WASF3: variants seen among roughly 807,000 people sequenced by gnomAD.
The protein encoded by WASF3 is WASP family member 3, also known as actin-binding protein WASF3.
WASF3 carries 11 observed loss-of-function variants against 46.6 expected under a neutral mutation model. That is an observed-to-expected ratio of 0.24 (90% CI 0.15 to 0.39). WASF3 has a LOEUF of 0.39. Among genes scored for constraint, WASF3 ranks in the 10% least tolerant of loss-of-function variants. WASF3 has a pLI of 1.00. For synonymous variants in WASF3, 242 were observed against 259.7 expected, an observed-to-expected ratio of 0.93 and a Z score of 0.65; for missense variants, 576 against 669.8, an observed-to-expected ratio of 0.86 and a Z score of 1.55.
intron 3 of WASF3, among the ~76,000 whole-genome samples, chr13:26,646,848 G>A (rs537418163): frequency 1.8e-4 from 27 of 152,278 alleles, no homozygotes; most frequent in African/African-American, 6.0e-4. Context: ...TTTCTAAATA[G>A]GAAGAGAGTT....
Position 26,682,701 on chromosome 13 carries a change from G to C in WASF3, c.1078G>C (p.Val360Leu), listed in dbSNP as rs545535299. The stretch of plus-strand genomic sequence containing the variant: ...GATTCCCTCAGCACAAACTGCCTTC[G>C]TCAGCCCTCTCCAGATGCCCATGCA... ...PVIPSAQTAF[V>L]SPLQMPMQPP... Residue 360 changes from valine to leucine, a missense_variant, in exon 9 of 10, where the codon GTC becomes CTC. Transcript: ENST00000335327. The surrounding 1 kb of genome is among the most constrained non-coding windows in gnomAD (Gnocchi z 4.4). 6.2e-7 allele frequency: 1 copy of C among 1,613,930 alleles called. No individual in the cohort carries two copies. Among genetic ancestry groups the C allele is most frequent in the Non-Finnish European group, 8.5e-7 (1 of 1,180,004 alleles).
chr13:26,624,975 G>C (rs1160458749), intron 2 of WASF3, among the ~76,000 whole-genome samples: 2 of 152,052 alleles, frequency 1.3e-5, no homozygotes, highest in East Asian at 3.9e-4. Context: ...CCACAGATCT[G>C]CACTGTAAGA....
intron 6 of WASF3, among the ~76,000 whole-genome samples, chr13:26,674,129 T>C (rs1026201829): frequency 6.6e-6 from 1 of 152,194 alleles, no homozygotes. Context: ...CTGTTCATAT[T>C]CTTTCATGTT....
At chr13:26,628,175 A>G (rs182919513) in intron 2 of WASF3, among the ~76,000 whole-genome samples, 25 of 152,330 alleles carry the variant, frequency 1.6e-4, no homozygotes, top group African/African-American at 2.4e-4. Flanking sequence ...GCGCTCGCCA[A>G]TCCTGAGAAA....
At chr13:26,580,761 G>T (rs368235057) in intron 1 of WASF3, among the ~76,000 whole-genome samples, 1 of 151,700 alleles carries the variant, frequency 6.6e-6, no homozygotes, top group Non-Finnish European at 1.5e-5. Context: ...GAGTAGCTGG[G>T]ATTACAGGCG....
intron 1 of WASF3, among the ~76,000 whole-genome samples, chr13:26,594,440 G>A (rs1880398084): frequency 1.3e-5 from 2 of 152,216 alleles, no homozygotes; most frequent in African/African-American, 4.8e-5. Flanking sequence ...TTGTGGGAGT[G>A]ATCGTCAGTT....
chr13:26,557,115 G>A (rs1879114685), upstream of WASF3, among the ~76,000 whole-genome samples: 7 of 152,188 alleles, frequency 4.6e-5, no homozygotes, highest in Admixed American at 3.9e-4. Context: ...CACATCTAGG[G>A]TGGAGAGAGA....
intron 1 of WASF3, among the ~76,000 whole-genome samples, chr13:26,565,785 A>G (rs766607924): frequency 3.9e-4 from 59 of 152,328 alleles, no homozygotes; most frequent in Admixed American, 2.3e-3. Flanking sequence ...GCAATTTAGA[A>G]TGGTTACAAA....
At chr13:26,594,742 C>T (rs146497217) in intron 1 of WASF3, among the ~76,000 whole-genome samples, 214 of 152,314 alleles carry the variant, frequency 1.4e-3, no homozygotes, top group African/African-American at 4.9e-3. Context: ...CTGCCTAGTC[C>T]TTCCCTAGTC....
intron 7 of WASF3, chr13:26,680,107 G>A: frequency 6.3e-7 from 1 of 1,598,292 alleles, no homozygotes; most frequent in East Asian, 2.2e-5. Flanking sequence ...AAGAAAAGAA[G>A]AGTGGGAGAG....
intron 1 of WASF3, among the ~76,000 whole-genome samples, chr13:26,599,711 A>G (rs1016291114): frequency 6.6e-6 from 1 of 152,122 alleles, no homozygotes. Flanking sequence ...CACAGATGAA[A>G]ACAGCTGTGG....
intron 1 of WASF3, among the ~76,000 whole-genome samples, chr13:26,567,100 A>G (rs1424746498): frequency 6.6e-6 from 1 of 152,212 alleles, no homozygotes; most frequent in African/African-American, 2.4e-5. Flanking sequence ...ATGTCCTTAA[A>G]TAAAGTGAAA....
intron 1 of WASF3, among the ~76,000 whole-genome samples, chr13:26,582,904 G>T (rs1880026555): frequency 6.6e-6 from 1 of 152,130 alleles, no homozygotes; most frequent in Non-Finnish European, 1.5e-5. Context: ...CAAAAACAAT[G>T]TAGGTCTCTT....
Position 26,608,676 on chromosome 13 carries a change from G to A in WASF3, c.-108-4285G>A, listed in dbSNP as rs192081864. Among the ~76,000 whole-genome samples the A allele has an allele frequency of 3.6e-4, 55 of 152,208 alleles. 1 individual carries two copies. The East Asian group carries it at 9.3e-3, about 26-fold the overall frequency. On this transcript the variant is annotated intron_variant, in intron 1 of 9. Transcript: ENST00000335327. ...TACTGGCTCTGACTTTAAAAGGTGC[G>A]GAACCGTTGTAGCAATGGGGTATCG... is the stretch of plus-strand genomic sequence containing the variant.
intron 1 of WASF3, among the ~76,000 whole-genome samples, chr13:26,612,622 G>A (rs140053771): frequency 2.6e-4 from 40 of 152,290 alleles, no homozygotes; most frequent in African/African-American, 7.9e-4. Context: ...TCAGTCTGTA[G>A]GCAGTAACAA....
At position 26,685,901 on chromosome 13, in the gene WASF3, T is replaced by C. The variant is rs573871095; in HGVS notation, c.*56T>C. On this transcript the variant is annotated 3_prime_UTR_variant, in exon 10 of 10. Transcript: ENST00000335327. ...AGCGTGTTGAAGATTTTAAGTGGTC[T>C]CTACACCCAAATAGTGGTATTCTAA... The C allele has an allele frequency of 9.0e-5, 143 of 1,588,684 alleles. 2 individuals carry two copies. In the South Asian group the frequency reaches 1.5e-3, roughly 17 times the overall value.
At chr13:26,542,849 T>A in the WASF3 span, among the ~76,000 whole-genome samples, 34 of 152,354 alleles carry the variant, frequency 2.2e-4, no homozygotes, top group South Asian at 6.2e-4. Flanking sequence ...CAATAAATGC[T>A]TATTGATTGA....
rs1223169048 is a variant in WASF3, at chr13:26,557,702, C to T, written c.-226C>T. ...GCGGCCGTGGACGGGCCGGAGGCGGCGTCGCTCGCGCCGCTGCGTGCGGTG... is the reference window on the plus strand; with the variant it reads ...GCGGCCGTGGACGGGCCGGAGGCGGTGTCGCTCGCGCCGCTGCGTGCGGTG... On this transcript the variant is annotated 5_prime_UTR_variant, in exon 1 of 10. Coordinates refer to ENST00000335327, the MANE Select transcript of WASF3 (RefSeq NM_006646.6). 4.7e-5 allele frequency: 8 copies of T among 171,206 alleles called. No homozygotes were observed. The highest frequency in any genetic ancestry group is 2.6e-3 in the Middle Eastern group (1 of 380). 10.6% of individuals were successfully genotyped at this position (171,206 alleles called of 1,614,324 possible).
chr13:26,542,566 T>C, the WASF3 span, among the ~76,000 whole-genome samples: 1 of 152,262 alleles, frequency 6.6e-6, no homozygotes, highest in Admixed American at 6.5e-5. Context: ...CAAATGTTTT[T>C]GTATTACATT....
Sources: gnomAD v4.1 joint callset for allele counts (sites outside exome capture counted in the v4.1 genomes callset) on GRCh38, gnomAD v4.1.1 for gene constraint, Gnocchi (gnomAD v3.1) non-coding constraint, MANE v1.5 for transcripts, NCBI Gene and HGNC (gene_info 2026-07-23, HGNC 2026-07-21) for gene names.